NEMF: variants seen among roughly 807,000 people sequenced by gnomAD.
NEMF encodes nuclear export mediator factor, also known as ribosome quality control complex subunit NEMF.
Under a neutral mutation model 162.2 loss-of-function variants are expected in NEMF, and 89 were observed. The observed-to-expected ratio is 0.55, with a 90% CI of 0.46 to 0.65. The LOEUF is 0.65. Ranked by LOEUF, NEMF falls within the 30% of genes least tolerant of loss-of-function variation. NEMF has a pLI of 0.00. For missense variants in NEMF, 1,133 were observed against 1,261.9 expected (o/e 0.90, Z 1.55); for synonymous variants, 421 against 404.5 (o/e 1.04, Z -0.49).
In NEMF at chr14:49,782,590, G is replaced by A. The variant is rs768644389; in HGVS notation, c.*2046C>T. On this transcript the variant is annotated 3_prime_UTR_variant, in exon 33 of 33. Transcript: ENST00000298310. ...ATTTTCAGTTCAACCAAAATCTCTT[G>A]TACGGTAAGTAACTTTGTACTTGGC... 1 of 1,601,588 alleles carries A rather than the reference G, an allele frequency of 6.2e-7. No individual in the cohort carries two copies. The highest frequency in any genetic ancestry group is 2.2e-5 in the East Asian group (1 of 44,804).
At chr14:49,794,769 G>T (rs1228210726) in intron 26 of NEMF, among the ~76,000 whole-genome samples, 1 of 145,182 alleles carries the variant, frequency 6.9e-6, no homozygotes, top group Admixed American at 7.0e-5. Flanking sequence ...CCCAGGCTGC[G>T]GTGCAGTGGC....
At chr14:49,794,047 C>T (rs1468936157) in intron 26 of NEMF, among the ~76,000 whole-genome samples, 1 of 152,126 alleles carries the variant, frequency 6.6e-6, no homozygotes, top group Non-Finnish European at 1.5e-5. Flanking sequence ...AAATGATCTA[C>T]AATATTATTT....
rs1361357480 is a variant in NEMF, at chr14:49,782,123, G to A, written c.*2513C>T. 4.4e-6 allele frequency: 2 copies of A among 455,120 alleles called. No homozygotes were observed. The highest frequency in any genetic ancestry group is 3.5e-5 in the East Asian group (1 of 28,756). 28.2% of individuals were successfully genotyped at this position (455,120 alleles called of 1,614,324 possible). A position where few individuals can be genotyped will look rare whatever the true frequency, so the allele number is the denominator to read the frequency against. On this transcript the variant is annotated 3_prime_UTR_variant, in exon 33 of 33. Transcript: ENST00000298310. ...ATTGCTAACAAAGACCTAGAGAACA[G>A]ATCGTTCAGTTCAAACTCCTCATTG...
chr14:49,834,298 C>A (rs1892789842), intron 7 of NEMF, 65 bp downstream of exon 7: 2 of 1,134,462 alleles, frequency 1.8e-6, no homozygotes, highest in South Asian at 2.6e-5. Flanking sequence ...TTATTACTTT[C>A]CCAGAAAAAA....
At chr14:49,810,780 C>T (rs143486983) in intron 18 of NEMF, among the ~76,000 whole-genome samples, 2 of 152,242 alleles carry the variant, frequency 1.3e-5, no homozygotes, top group East Asian at 3.8e-4. Context: ...TGCTCGAGCT[C>T]AGGAGCTCGA....
rs778294061 is a variant in NEMF, at chr14:49,803,247, G to A, written c.1905C>T (p.Phe635=). 16 of 1,608,690 alleles carry A rather than the reference G, an allele frequency of 9.9e-6. No homozygotes were observed. Among genetic ancestry groups the A allele is most frequent in the South Asian group, 2.2e-5 (2 of 90,964 alleles). Residue 635 remains phenylalanine, a synonymous_variant, in exon 20 of 33, where the codon TTC becomes TTT. Coordinates refer to ENST00000298310, the MANE Select transcript of NEMF (RefSeq NM_004713.6). ...CTGTCAAGACATTACCTCTTATCAT[G>A]AAGCTTCCTGTTGTCAAATATTCTC... ...PTGEYLTTGS[F]MIRGKKNFLP...
At chr14:49,791,532 ATC>A (rs1255485473) in intron 26 of NEMF, among the ~76,000 whole-genome samples, 1 of 151,936 alleles carries the variant, frequency 6.6e-6, no homozygotes, top group Admixed American at 6.6e-5. Flanking sequence ...AGGTCAAGAG[ATC>A]GAGACCATCC....
At chr14:49,842,406 A>T (rs903411061) in intron 4 of NEMF, among the ~76,000 whole-genome samples, 1 of 152,226 alleles carries the variant, frequency 6.6e-6, no homozygotes, top group Non-Finnish European at 1.5e-5. Context: ...ATTGCTAGAT[A>T]ACCTTTTCAA....
At chr14:49,801,714 C>G (rs1890964993) in intron 22 of NEMF, among the ~76,000 whole-genome samples, 1 of 152,080 alleles carries the variant, frequency 6.6e-6, no homozygotes, top group Non-Finnish European at 1.5e-5. Context: ...TTTATTCCAG[C>G]AACTATAATT....
chr14:49,828,518 G>A, intron 14 of NEMF, 98 bp downstream of exon 14: 1 of 1,048,404 alleles, frequency 9.5e-7, no homozygotes, highest in Non-Finnish European at 1.4e-6. Context: ...AAAAAAGTAT[G>A]CATGTACAAG....
Position 49,851,888 on chromosome 14 carries a change from A to G in NEMF, c.60-13T>C. ...CATTCCTAGCAAGCTGCAAAGATAAAGGAAACATGTAACATGTTACACTAT... is the reference window on the plus strand; with the variant it reads ...CATTCCTAGCAAGCTGCAAAGATAAGGGAAACATGTAACATGTTACACTAT... On this transcript the variant is annotated splice_polypyrimidine_tract_variant and intron_variant, in intron 1 of 32. Coordinates refer to ENST00000298310, the MANE Select transcript of NEMF (RefSeq NM_004713.6). 1 of 1,513,832 alleles carries G rather than the reference A, an allele frequency of 6.6e-7. No homozygotes were observed. The highest frequency in any genetic ancestry group is 1.4e-5 in the African/African-American group (1 of 71,786). 93.8% of individuals were successfully genotyped at this position (1,513,832 alleles called of 1,614,324 possible).
Position 49,852,754 on chromosome 14 carries a change from G to C in NEMF, c.-1C>G, listed in dbSNP as rs539747549. On this transcript the variant is annotated 5_prime_UTR_variant, in exon 1 of 33. Coordinates refer to ENST00000298310, the MANE Select transcript of NEMF (RefSeq NM_004713.6). ...CAATGGTGCTAAAGCGGCTCTTCAT[G>C]GCGAGGCCCGAGGGTCACTACCGCA... 6.2e-7 allele frequency: 1 copy of C among 1,614,198 alleles called. No individual in the cohort carries two copies. The highest frequency in any genetic ancestry group is 8.5e-7 in the Non-Finnish European group (1 of 1,180,028).
intron 16 of NEMF, chr14:49,818,256 A>G (rs1891821424): frequency 6.6e-6 from 1 of 151,964 alleles, no homozygotes; most frequent in South Asian, 2.1e-4. Flanking sequence ...ACGCCCGGCT[A>G]ATTTTTTTTG....
chr14:49,846,908 G>C (rs1162556973), intron 3 of NEMF, among the ~76,000 whole-genome samples: 1 of 152,090 alleles, frequency 6.6e-6, no homozygotes, highest in Middle Eastern at 3.2e-3. Flanking sequence ...TATTTTGAGA[G>C]AGAGTCTCGC....
In NEMF at chr14:49,825,897, G is replaced by T. The variant is rs1337416142; in HGVS notation, c.1547C>A (p.Thr516Asn). 1 of 1,609,322 alleles carries T rather than the reference G, an allele frequency of 6.2e-7. No individual in the cohort carries two copies. Among genetic ancestry groups the T allele is most frequent in the Admixed American group, 1.7e-5 (1 of 59,880 alleles). Residue 516 changes from threonine to asparagine, a missense_variant, in exon 16 of 33, where the codon ACC becomes AAC. Physicochemically the swap from Thr to Asn is moderately conservative, Grantham distance 65 (BLOSUM62 0). This residue lies in a region of NEMF where 582 missense variants were observed against 631.5 expected (regional missense o/e 0.92). Transcript: ENST00000298310. ...KQTLKEVQTV[T>N]SIQKARKVYW... ...TACTTTTCTTGCTTTTTGAATAGAGGTAACAGTCTGAACTTCTTTTAATGT... is the reference window on the plus strand; with the variant it reads ...TACTTTTCTTGCTTTTTGAATAGAGTTAACAGTCTGAACTTCTTTTAATGT...
At chr14:49,839,985 C>A (rs532410039) in intron 5 of NEMF, among the ~76,000 whole-genome samples, 1 of 152,042 alleles carries the variant, frequency 6.6e-6, no homozygotes, top group South Asian at 2.1e-4. Flanking sequence ...AAAGCAAGAC[C>A]CCATGTCTAC....
At position 49,795,926 on chromosome 14, in the gene NEMF, T is replaced by A; in HGVS notation, c.2484A>T (p.Lys828Asn). ...AKERREMKKK[K>N]LPSDSGDLEA... ...CTAAATCTCCTGAGTCACTTGGAAG[T>A]TTTTTCTTTTTCATTTCCCTGAATA... Residue 828 changes from lysine to asparagine, a missense_variant, in exon 26 of 33, where the codon AAA becomes AAT. Physicochemically the swap from Lys to Asn is moderately conservative, Grantham distance 94. Around this residue, in one of 3 missense-constraint regions of NEMF, gnomAD observed 532 missense variants for 578.6 expected, o/e 0.92. Coordinates refer to ENST00000298310, the MANE Select transcript of NEMF (RefSeq NM_004713.6). The A allele has an allele frequency of 6.3e-7, 1 of 1,593,408 alleles. No individual in the cohort carries two copies. The highest frequency in any genetic ancestry group is 8.5e-7 in the Non-Finnish European group (1 of 1,174,728).
intron 17 of NEMF, among the ~76,000 whole-genome samples, chr14:49,814,408 CCTA>C (rs1266401105): frequency 6.6e-6 from 1 of 152,124 alleles, no homozygotes; most frequent in Non-Finnish European, 1.5e-5. Flanking sequence ...CCGGCCAAGT[CCTA>C]CTTCTAGGTG....
At chr14:49,828,210 A>G in intron 15 of NEMF, 81 bp downstream of exon 15, 1 of 989,248 alleles carries the variant, frequency 1.0e-6, no homozygotes. Context: ...AGAAAACCTC[A>G]TTTAAACAGA....
Sources: gnomAD v4.1 joint callset for allele counts (sites outside exome capture counted in the v4.1 genomes callset) on GRCh38, gnomAD v4.1.1 for gene constraint, gnomAD v4.1.1 regional missense constraint, MANE v1.5 for transcripts, NCBI Gene and HGNC (gene_info 2026-07-23, HGNC 2026-07-21) for gene names.